The following BRD1 variants were observed in gnomAD, a reference collection of about 807,000 sequenced individuals.
The protein encoded by BRD1 is bromodomain containing 1.
BRD1 carries 24 observed loss-of-function variants against 107.7 expected under a neutral mutation model. The ratio of observed to expected loss-of-function variants is 0.22; its 90% confidence interval spans 0.16 to 0.31. The LOEUF is 0.31. Ranked by LOEUF, BRD1 falls within the 10% of genes least tolerant of loss-of-function variation. The pLI, the probability that BRD1 is intolerant of heterozygous loss-of-function variation, is 1.00. For synonymous variants in BRD1, 744 were observed against 686.1 expected, an observed-to-expected ratio of 1.08 and a Z score of -1.32; for missense variants, 1,279 against 1,638.6, an observed-to-expected ratio of 0.78 and a Z score of 3.79.
At chr22:49,777,286 G>C in intron 9 of BRD1, 125 bp from the exon 10 acceptor site, 1 of 1,463,770 alleles carries the variant, frequency 6.8e-7, no homozygotes, top group Non-Finnish European at 9.3e-7. Context: ...CCCGCGGCCA[G>C]ACGGGCCTGT....
chr22:49,811,281 G>A (rs952202124), intron 2 of BRD1, among the ~76,000 whole-genome samples: 6 of 152,166 alleles, frequency 3.9e-5, no homozygotes, highest in African/African-American at 1.4e-4. Flanking sequence ...ATGGCTAAGA[G>A]GCACAGGGTT....
At chr22:49,808,264 T>C (rs1248304395) in intron 2 of BRD1, among the ~76,000 whole-genome samples, 6 of 152,132 alleles carry the variant, frequency 3.9e-5, no homozygotes, top group South Asian at 2.1e-4. Context: ...GGCTAAAACA[T>C]GGAAGCAACC....
intron 2 of BRD1, chr22:49,818,275 G>A: frequency 7.8e-7 from 1 of 1,275,774 alleles, no homozygotes; most frequent in Non-Finnish European, 1.0e-6. Context: ...TAGTAGAGGA[G>A]CTCCTCCTAG....
intron 8 of BRD1, 40 bp downstream of exon 8, chr22:49,787,350 G>T: frequency 1.3e-6 from 2 of 1,554,326 alleles, no homozygotes. Context: ...CCAGGCACTG[G>T]TCGGCAAGGG....
intron 11 of BRD1, 87 bp from the exon 12 acceptor site, chr22:49,775,832 C>CGCAGCTGTGTGAGCCTCCTCAG (rs1569079773): frequency 3.0e-6 from 3 of 989,960 alleles, no homozygotes; most frequent in Admixed American, 2.7e-5. Flanking sequence ...CCCGCCTCCC[C>CGCAGCTGTGTGAGCCTCCTCAG]ACCCCAGCTG....
intron 7 of BRD1, among the ~76,000 whole-genome samples, chr22:49,789,494 C>CG (rs898395982): frequency 1.3e-5 from 2 of 150,716 alleles, no homozygotes; most frequent in Middle Eastern, 3.4e-3. Context: ...CTAGCCTCCC[C>CG]CCCCCGCCCC....
rs1429366686 is a variant in BRD1 at position 49,776,039 on chromosome 22, G to A, written c.3231+11C>T. On this transcript the variant is annotated intron_variant, in intron 11 of 12. Transcript: ENST00000404760. Reference sequence around the variant, plus strand: ...CTCTGGACCCGCAGGCGCCACGAGAGCCGTACTCACCAGTGCCGGGTAGGA... The same window carrying A: ...CTCTGGACCCGCAGGCGCCACGAGAACCGTACTCACCAGTGCCGGGTAGGA... 5.8e-6 allele frequency: 9 copies of A among 1,551,604 alleles called. No homozygotes were observed. The highest frequency in any genetic ancestry group is 7.8e-6 in the Non-Finnish European group (9 of 1,156,164).
At chr22:49,796,130 G>A (rs1052474985) in intron 6 of BRD1, among the ~76,000 whole-genome samples, 30 of 147,862 alleles carry the variant, frequency 2.0e-4, no homozygotes, top group African/African-American at 6.5e-4. Flanking sequence ...TTGCTCTGTC[G>A]CCCAGGCTGG....
At chr22:49,804,781 G>A (rs2059708282) in intron 2 of BRD1, among the ~76,000 whole-genome samples, 1 of 152,132 alleles carries the variant, frequency 6.6e-6, no homozygotes, top group South Asian at 2.1e-4. Flanking sequence ...AACCTGGGAG[G>A]TGGAGGTTGG....
intron 7 of BRD1, among the ~76,000 whole-genome samples, chr22:49,789,142 TCAA>T (rs904718236): frequency 6.6e-6 from 1 of 152,072 alleles, no homozygotes; most frequent in Non-Finnish European, 1.5e-5. Context: ...AAGCCTCACC[TCAA>T]CAAAAAGCCT....
In BRD1 at chr22:49,804,536, C is replaced by G. The variant is rs559088545; in HGVS notation, c.1368-176G>C. 3.3e-5 allele frequency among the ~76,000 whole-genome samples: 5 copies of G among 152,326 alleles called. No homozygotes were observed. In the East Asian group the frequency reaches 7.7e-4, roughly 23 times the overall value. ...GCTGCTAAAACAAAATTCACGATCT[C>G]CAACCATTTGAAGATTTCATCCACT... On this transcript the variant is annotated intron_variant, in intron 2 of 12. Transcript: ENST00000404760.
chr22:49,798,933 C>A, intron 4 of BRD1, 55 bp downstream of exon 4: 1 of 1,542,196 alleles, frequency 6.5e-7, no homozygotes, highest in Admixed American at 1.9e-5. Flanking sequence ...TGCCAGCGTC[C>A]CACCCACGCC....
intron 3 of BRD1, among the ~76,000 whole-genome samples, chr22:49,801,775 T>C (rs908985096): frequency 6.6e-6 from 1 of 152,238 alleles, no homozygotes; most frequent in African/African-American, 2.4e-5. Context: ...GGGGCCCAGC[T>C]GGCAGGTTCC....
rs139485248 is a variant in BRD1 at position 49,824,237 on chromosome 22, C to T, written c.81G>A (p.Thr27=). The T allele has an allele frequency of 3.7e-6, 6 of 1,613,890 alleles. No homozygotes were observed. The highest frequency in any genetic ancestry group is 1.1e-5 in the South Asian group (1 of 91,092). Residue 27 remains threonine (T), a synonymous_variant, in exon 2 of 13, where the codon ACG becomes ACA. Transcript: ENST00000404760. This position sits in a 1 kb window ranked among gnomAD's most constrained non-coding sequence, Gnocchi z 5.9. ...CTTGAGCGTAGGTCAGCGTTTCTCG[C>T]GTAGGGGAGTGTTTAACACTGCATG... is the stretch of plus-strand genomic sequence containing the variant. ...SSPCSVKHSP[T]RETLTYAQAQ... is the part of the protein sequence containing the mutation.
intron 3 of BRD1, among the ~76,000 whole-genome samples, chr22:49,800,903 G>A (rs1261659724): frequency 6.7e-6 from 1 of 148,314 alleles, no homozygotes; most frequent in East Asian, 2.0e-4. Flanking sequence ...GCAGGGCTAG[G>A]CGACGGTCAG....
intron 8 of BRD1, among the ~76,000 whole-genome samples, chr22:49,784,362 C>T (rs1452450245): frequency 6.6e-6 from 1 of 152,080 alleles, no homozygotes; most frequent in Non-Finnish European, 1.5e-5. Context: ...AGACTCGCAG[C>T]AGGGGTCTCC....
intron 8 of BRD1, among the ~76,000 whole-genome samples, chr22:49,785,361 A>G (rs1178217684): frequency 6.6e-6 from 1 of 152,142 alleles, no homozygotes; most frequent in Admixed American, 6.5e-5. Context: ...GCAGCCCCAT[A>G]CCTCTGCCGC....
rs1052350171 is a variant in BRD1 at position 49,827,723 on chromosome 22, GGGCCCAGCTGGA to G, written c.-253_-242del. Among the ~76,000 whole-genome samples the G allele has an allele frequency of 7.6e-5, 11 of 144,720 alleles. No individual in the cohort carries two copies. The highest frequency in any genetic ancestry group is 1.5e-5 in the Non-Finnish European group (1 of 65,226). The allele number at this position is 144,720 out of a possible 152,430, so 94.9% of individuals were successfully genotyped here. A position where few individuals can be genotyped will look rare whatever the true frequency, so the allele number is the denominator to read the frequency against. Reference sequence around the variant, plus strand: ...CTCGCGCGGCGCGGGCTCGGGCTCGGGGCCCAGCTGGAGGCCCGGCTCGGGGGGCCCGGCCGG... The same window carrying G: ...CTCGCGCGGCGCGGGCTCGGGCTCGGGGCCCGGCTCGGGGGGCCCGGCCGG... On this transcript the variant is annotated 5_prime_UTR_variant, in exon 1 of 13. Coordinates refer to ENST00000404760, the MANE Select transcript of BRD1 (RefSeq NM_001304808.3).
intron 2 of BRD1, among the ~76,000 whole-genome samples, chr22:49,811,160 CA>C (rs138578576): frequency 0.084 from 12,696 of 151,972 alleles, 647 homozygotes; most frequent in South Asian, 0.17. Context: ...CATAAAAGAA[CA>C]AAAAAACACA....
Sources: gnomAD v4.1 joint callset for allele counts (sites outside exome capture counted in the v4.1 genomes callset) on GRCh38, gnomAD v4.1.1 for gene constraint, Gnocchi (gnomAD v3.1) non-coding constraint, MANE v1.5 for transcripts, NCBI Gene and HGNC (gene_info 2026-07-23, HGNC 2026-07-21) for gene names.